The following SYT16 variants were observed in gnomAD, a reference collection of about 807,000 sequenced individuals.
The protein encoded by SYT16 is synaptotagmin 16.
SYT16 carries 42 observed loss-of-function variants against 61.4 expected under a neutral mutation model. The observed-to-expected ratio is 0.68, with a 90% CI of 0.53 to 0.89. The LOEUF is 0.89. Ranked by LOEUF, SYT16 falls within the 40% of genes least tolerant of loss-of-function variation. SYT16 has a pLI of 0.00. For missense variants in SYT16, 804 were observed against 807.3 expected, an observed-to-expected ratio of 1.00 and a Z score of 0.05; for synonymous variants, 314 against 302.3, an observed-to-expected ratio of 1.04 and a Z score of -0.40.
chr14:61,888,549 C>A (rs1306466719), intron 1 of SYT16, among the ~76,000 whole-genome samples: 1 of 152,192 alleles, frequency 6.6e-6, no homozygotes, highest in Non-Finnish European at 1.5e-5. Flanking sequence ...AGCTTACTGT[C>A]TTATATGGGT....
chr14:62,103,120 G>A lies in SYT16; in HGVS notation c.*2413G>A, dbSNP rs953335227. 18 of 152,130 alleles carry A rather than the reference G, an allele frequency of 1.2e-4. No homozygotes were observed. The highest frequency in any genetic ancestry group is 3.6e-4 in the African/African-American group (15 of 41,414). The allele number at this position is 152,130 out of a possible 1,614,324, so 9.4% of individuals were successfully genotyped here. Reference sequence around the variant, plus strand: ...ACAAGATATATAACAATATGTGGCTGATTTTTTTTACCTTTATTTGAAATT... The same window carrying A: ...ACAAGATATATAACAATATGTGGCTAATTTTTTTTACCTTTATTTGAAATT... On this transcript the variant is annotated 3_prime_UTR_variant, in exon 8 of 8. Transcript: ENST00000683842.
At chr14:62,022,627 C>G (rs2053955383) in intron 3 of SYT16, among the ~76,000 whole-genome samples, 1 of 151,948 alleles carries the variant, frequency 6.6e-6, no homozygotes, top group Non-Finnish European at 1.5e-5. Context: ...TACACACACA[C>G]ACACACACAC....
chr14:61,927,906 C>T (rs969016003), intron 1 of SYT16, among the ~76,000 whole-genome samples: 2 of 152,014 alleles, frequency 1.3e-5, no homozygotes, highest in Non-Finnish European at 2.9e-5. Flanking sequence ...ATTGAATCAA[C>T]TTTCTCAAGG....
intron 1 of SYT16, among the ~76,000 whole-genome samples, chr14:61,855,983 A>G (rs568211660): frequency 2.6e-5 from 4 of 152,336 alleles, no homozygotes; most frequent in Middle Eastern, 3.4e-3. Context: ...GTTATCTCCA[A>G]TGTCTGCAAA....
rs1566751979 is a variant in SYT16 at position 62,000,098 on chromosome 14, G to GGTTTTTTTTTTTTTTT, written c.523+3556_523+3557insGTTTTTTTTTTTTTTT. ...TTTTCTAATACTTATTTTGTCTCTC[G>GGTTTTTTTTTTTTTTT]ATTTTTTTTTTTTTTTTTTTTTTTT... On this transcript the variant is annotated intron_variant, in intron 3 of 7. Coordinates refer to ENST00000683842, the MANE Select transcript of SYT16 (RefSeq NM_001367656.1). Among the ~76,000 whole-genome samples, 5 of 35,520 alleles carry GGTTTTTTTTTTTTTTT rather than the reference G, an allele frequency of 1.4e-4. 1 individual carries two copies. The highest frequency in any genetic ancestry group is 7.4e-4 in the African/African-American group (4 of 5,372). The allele number at this position is 35,520 out of a possible 152,430, so 23.3% of individuals were successfully genotyped here. A position where few individuals can be genotyped will look rare whatever the true frequency, so the allele number is the denominator to read the frequency against.
rs2057616279 is a variant in SYT16 at position 62,111,927 on chromosome 14, G to T, written c.*11220G>T. ...TTAAAGAAGCATGAATGTATCACTA[G>T]CTGTTACCAGAACAAACAGCTGTAG... On this transcript the variant is annotated 3_prime_UTR_variant, in exon 8 of 8. Transcript: ENST00000683842. 1 of 152,072 alleles carries T rather than the reference G, an allele frequency of 6.6e-6. No homozygotes were observed. Among genetic ancestry groups the T allele is most frequent in the African/African-American group, 2.4e-5 (1 of 41,418 alleles). 9.4% of individuals were successfully genotyped at this position (152,072 alleles called of 1,614,324 possible).
Position 62,100,318 on chromosome 14 carries a change from T to G in SYT16, c.1625-76T>G. The G allele has an allele frequency of 2.3e-6, 3 of 1,288,284 alleles. No individual in the cohort carries two copies. In the South Asian group the frequency reaches 4.7e-5, roughly 20 times the overall value. The allele number at this position is 1,288,284 out of a possible 1,614,324, so 79.8% of individuals were successfully genotyped here. ...GAGAAATTTGTAGCCCATATAAATG[T>G]TACAGCTAGTCTAGCCAAACAGAGA... On this transcript the variant is annotated intron_variant, in intron 7 of 7. Coordinates refer to ENST00000683842, the MANE Select transcript of SYT16 (RefSeq NM_001367656.1).
chr14:62,076,680 GA>G (rs979693447), intron 5 of SYT16, among the ~76,000 whole-genome samples: 1 of 152,016 alleles, frequency 6.6e-6, no homozygotes, highest in Non-Finnish European at 1.5e-5. Context: ...TTTAAAAAAA[GA>G]AAAAACTCTG....
chr14:62,088,934 G>T (rs751056442), intron 7 of SYT16, among the ~76,000 whole-genome samples: 5 of 150,690 alleles, frequency 3.3e-5, no homozygotes, highest in African/African-American at 1.2e-4. Flanking sequence ...CCATGCATAG[G>T]GACTTCTGTG....
intron 1 of SYT16, among the ~76,000 whole-genome samples, chr14:61,857,996 C>T (rs2046828212): frequency 1.3e-5 from 2 of 151,384 alleles, no homozygotes; most frequent in Admixed American, 1.3e-4. Context: ...CATACATTCA[C>T]AAGACATTAT....
rs201883445 is a variant in SYT16 at position 61,903,997 on chromosome 14, AG to A, written c.-324-66134del. Among the ~76,000 whole-genome samples the A allele has an allele frequency of 8.7e-3, 1,320 of 152,312 alleles. 8 individuals carry two copies. Among genetic ancestry groups the A allele is most frequent in the Middle Eastern group, 0.031 (9 of 294 alleles). On this transcript the variant is annotated intron_variant, in intron 1 of 7. Transcript: ENST00000683842. ...GGGAATGCCAGTAATTCCTGAGAGA[AG>A]TTGGCCCTGCTTTTCAGTCTATTCC...
At chr14:61,816,234 C>A (rs895294365) in intron 1 of SYT16, among the ~76,000 whole-genome samples, 2 of 152,128 alleles carry the variant, frequency 1.3e-5, no homozygotes, top group Non-Finnish European at 2.9e-5. Flanking sequence ...CCTGCAGTTT[C>A]CTTTCTCCCC....
intron 1 of SYT16, among the ~76,000 whole-genome samples, chr14:61,944,812 C>T (rs918784568): frequency 2.0e-5 from 3 of 152,144 alleles, no homozygotes; most frequent in African/African-American, 7.2e-5. Context: ...CAATACTATT[C>T]AGGACATAGA....
chr14:61,923,688 G>T (rs78360597), intron 1 of SYT16, among the ~76,000 whole-genome samples: 9,950 of 152,104 alleles, frequency 0.065, 435 homozygotes, highest in African/African-American at 0.12. Flanking sequence ...GTAGTACAGT[G>T]AAATGTCTGT....
At chr14:61,965,219 G>A (rs2140511768) in intron 1 of SYT16, among the ~76,000 whole-genome samples, 1 of 152,188 alleles carries the variant, frequency 6.6e-6, no homozygotes, top group Admixed American at 6.5e-5. Flanking sequence ...CCCTGATTAG[G>A]CAATCCTATA....
intron 3 of SYT16, among the ~76,000 whole-genome samples, chr14:62,009,385 T>A (rs911430565): frequency 1.1e-3 from 167 of 152,306 alleles, no homozygotes; most frequent in African/African-American, 3.9e-3. Flanking sequence ...TAGATTAAAG[T>A]CAACCAAGTT....
At chr14:61,876,419 G>T (rs2047496347) in intron 1 of SYT16, among the ~76,000 whole-genome samples, 1 of 152,172 alleles carries the variant, frequency 6.6e-6, no homozygotes, top group South Asian at 2.1e-4. Flanking sequence ...TTTTTAATTT[G>T]GGTGAGTGAC....
intron 1 of SYT16, among the ~76,000 whole-genome samples, chr14:61,874,889 T>C (rs1277298076): frequency 6.6e-6 from 1 of 151,968 alleles, no homozygotes; most frequent in Non-Finnish European, 1.5e-5. Context: ...ATTCTAAATA[T>C]AAAATTAAAA....
chr14:61,827,263 A>C (rs1258409371), intron 1 of SYT16, among the ~76,000 whole-genome samples: 1 of 152,200 alleles, frequency 6.6e-6, no homozygotes, highest in East Asian at 1.9e-4. Context: ...CTGAGGGAAC[A>C]GGCACCTACA....
Sources: allele counts gnomAD v4.1 joint callset (sites outside exome capture counted in the v4.1 genomes callset), GRCh38; gene constraint gnomAD v4.1.1; transcripts MANE v1.5; gene names NCBI Gene and HGNC (gene_info 2026-07-23, HGNC 2026-07-21).